The following SPON1 variants were observed in gnomAD, a reference collection of about 807,000 sequenced individuals.
SPON1 encodes spondin-1.
In SPON1, 52 loss-of-function variants were observed where a neutral mutation model predicts 111.7. The observed-to-expected ratio is 0.47, with a 90% CI of 0.37 to 0.59. The LOEUF (loss-of-function observed/expected upper bound fraction) is 0.59, where lower values mean the gene tolerates loss of function less well. Among genes scored for constraint, SPON1 ranks in the 20% least tolerant of loss-of-function variants. The probability of loss-of-function intolerance (pLI) is 0.00; values close to 1 mark genes in which losing one functional copy is unlikely to be tolerated. For missense variants in SPON1, 957 were observed against 1,068.5 expected (o/e 0.90, Z 1.46); for synonymous variants, 410 against 395.8 (o/e 1.04, Z -0.43).
intron 6 of SPON1, among the ~76,000 whole-genome samples, chr11:14,171,945 G>T (rs1213797492): frequency 6.6e-6 from 1 of 152,176 alleles, no homozygotes; most frequent in Admixed American, 6.5e-5. Flanking sequence ...GTGTGGTGTG[G>T]TGCTGAAAAG....
chr11:14,259,202 C>A lies in SPON1; in HGVS notation c.1493-78C>A. 2 of 1,450,494 alleles carry A rather than the reference C, an allele frequency of 1.4e-6. No individual in the cohort carries two copies. Among genetic ancestry groups the A allele is most frequent in the Non-Finnish European group, 1.8e-6 (2 of 1,087,110 alleles). 89.9% of individuals were successfully genotyped at this position (1,450,494 alleles called of 1,614,324 possible). On this transcript the variant is annotated intron_variant, in intron 11 of 15. Coordinates refer to ENST00000576479, the MANE Select transcript of SPON1 (RefSeq NM_006108.4). This position sits in a 1 kb window ranked among gnomAD's most constrained non-coding sequence, Gnocchi z 5.0. The stretch of plus-strand genomic sequence containing the variant: ...CCTGACTCCTCTTGATTCCCGCTGG[C>A]GGGAAGTTCCCACCGCGCAGCCTGG...
chr11:14,118,026 T>C (rs1849279112), intron 5 of SPON1, among the ~76,000 whole-genome samples: 1 of 152,224 alleles, frequency 6.6e-6, no homozygotes, highest in Non-Finnish European at 1.5e-5. Flanking sequence ...CAGAAGAGCA[T>C]TGGCTTACTT....
chr11:14,113,274 A>G (rs928253045), intron 5 of SPON1, among the ~76,000 whole-genome samples: 4 of 152,208 alleles, frequency 2.6e-5, no homozygotes, highest in South Asian at 2.1e-4. Context: ...GGAGTCTTCC[A>G]TTTCACCAGA....
intron 6 of SPON1, among the ~76,000 whole-genome samples, chr11:14,218,345 C>A (rs962107129): frequency 6.6e-6 from 1 of 152,100 alleles, no homozygotes; most frequent in African/African-American, 2.4e-5. Context: ...AGAACTCAGC[C>A]ACTCCAGAAA....
At position 14,079,947 on chromosome 11, in the gene SPON1, C is replaced by A; in HGVS notation, c.602C>A (p.Ala201Asp). 1 of 1,613,914 alleles carries A rather than the reference C, an allele frequency of 6.2e-7. No individual in the cohort carries two copies. The highest frequency in any genetic ancestry group is 8.5e-7 in the Non-Finnish European group (1 of 1,179,852). Reference protein sequence around the residue: ...VTDKPILDCCACGTAKYRLTF... With the variant: ...VTDKPILDCCDCGTAKYRLTF... ...GACAAACCCATCTTAGACTGCTGTGCCTGCGGAACTGCCAAGTACAGACTC... is the reference window on the plus strand; with the variant it reads ...GACAAACCCATCTTAGACTGCTGTGACTGCGGAACTGCCAAGTACAGACTC... The change falls in exon 5 of 16, where the codon GCC becomes GAC. Residue 201 changes from alanine to aspartate, a missense_variant. By Grantham distance (126) the Ala-to-Asp change is moderately radical. Coordinates refer to ENST00000576479, the MANE Select transcript of SPON1 (RefSeq NM_006108.4).
chr11:14,256,551 C>T, intron 9 of SPON1, 66 bp from the exon 10 acceptor site: 1 of 1,142,456 alleles, frequency 8.8e-7, no homozygotes, highest in Non-Finnish European at 1.3e-6. Flanking sequence ...AGTCCTCTTT[C>T]ACCTTCCCCC....
intron 6 of SPON1, among the ~76,000 whole-genome samples, chr11:14,140,189 A>G (rs915437381): frequency 3.3e-5 from 5 of 152,154 alleles, no homozygotes; most frequent in Non-Finnish European, 7.4e-5. Flanking sequence ...TCCTTTTCCA[A>G]TCCACGTCTG....
chr11:14,046,137 G>T (rs542273347), intron 3 of SPON1, among the ~76,000 whole-genome samples: 1 of 152,282 alleles, frequency 6.6e-6, no homozygotes, highest in East Asian at 1.9e-4. Context: ...GTGAAGGAGG[G>T]CTATACAAGG....
intron 6 of SPON1, among the ~76,000 whole-genome samples, chr11:14,139,585 A>C (rs1847628798): frequency 1.3e-5 from 2 of 152,280 alleles, no homozygotes; most frequent in Admixed American, 1.3e-4. Context: ...TTATTAGTTT[A>C]TTCATTTGGT....
chr11:14,013,485 A>G (rs1848421090), intron 2 of SPON1, among the ~76,000 whole-genome samples: 1 of 152,158 alleles, frequency 6.6e-6, no homozygotes, highest in Admixed American at 6.5e-5. Flanking sequence ...AGGAGGAGGG[A>G]GTTAAGGAGC....
chr11:14,072,826 G>C (rs747969441), intron 3 of SPON1, among the ~76,000 whole-genome samples: 2 of 152,126 alleles, frequency 1.3e-5, no homozygotes, highest in Non-Finnish European at 2.9e-5. Flanking sequence ...TAAAAGAGCA[G>C]ATCTGATCAT....
chr11:14,110,700 T>A (rs1479448924), intron 5 of SPON1, among the ~76,000 whole-genome samples: 1 of 152,096 alleles, frequency 6.6e-6, no homozygotes, highest in African/African-American at 2.4e-5. Flanking sequence ...GAACCTGAGG[T>A]CTAATGTCCA....
intron 6 of SPON1, among the ~76,000 whole-genome samples, chr11:14,153,210 C>G (rs1022210058): frequency 6.6e-6 from 1 of 152,152 alleles, no homozygotes; most frequent in Non-Finnish European, 1.5e-5. Flanking sequence ...ATTTCTTGGA[C>G]AATGGAAAAA....
intron 6 of SPON1, among the ~76,000 whole-genome samples, chr11:14,180,694 C>A (rs782528364): frequency 6.6e-6 from 1 of 152,188 alleles, no homozygotes; most frequent in Non-Finnish European, 1.5e-5. Flanking sequence ...AGGGACTATG[C>A]CTTCTTTAAG....
At chr11:14,134,502 C>T (rs1406482977) in intron 5 of SPON1, among the ~76,000 whole-genome samples, 1 of 152,190 alleles carries the variant, frequency 6.6e-6, no homozygotes, top group Non-Finnish European at 1.5e-5. Flanking sequence ...ATGTGATCTT[C>T]ACCAAACCAC....
chr11:14,093,708 C>G (rs148958779), intron 5 of SPON1, among the ~76,000 whole-genome samples: 1 of 152,136 alleles, frequency 6.6e-6, no homozygotes, highest in African/African-American at 2.4e-5. Flanking sequence ...GAAAAACCAC[C>G]GCTCTAACAC....
chr11:14,154,343 C>T (rs1026689682), intron 6 of SPON1, among the ~76,000 whole-genome samples: 3 of 152,186 alleles, frequency 2.0e-5, no homozygotes. Flanking sequence ...GAATATATGT[C>T]AGCCTCAACT....
intron 7 of SPON1, among the ~76,000 whole-genome samples, chr11:14,253,397 A>G (rs782319085): frequency 2.6e-5 from 4 of 152,248 alleles, no homozygotes; most frequent in Non-Finnish European, 5.9e-5. Flanking sequence ...GAGTAGACGT[A>G]TGTGATCACC....
chr11:14,057,967 T>C (rs1848760193), intron 3 of SPON1, among the ~76,000 whole-genome samples: 1 of 151,876 alleles, frequency 6.6e-6, no homozygotes, highest in South Asian at 2.1e-4. Context: ...CAGAGAGCCA[T>C]GATTGTGCCA....
Sources: allele counts gnomAD v4.1 joint callset (sites outside exome capture counted in the v4.1 genomes callset), GRCh38; gene constraint gnomAD v4.1.1; non-coding constraint Gnocchi (gnomAD v3.1); transcripts MANE v1.5; gene names NCBI Gene and HGNC (gene_info 2026-07-23, HGNC 2026-07-21).